FHOD3: variants seen among roughly 807,000 people sequenced by gnomAD.
FHOD3 encodes formin homology 2 domain containing 3, also known as FH1/FH2 domain-containing protein 3.
In FHOD3, 90 loss-of-function variants were observed where a neutral mutation model predicts 173.0. The observed-to-expected ratio is 0.52, with a 90% CI of 0.44 to 0.62. FHOD3 has a LOEUF of 0.62. Ranked by LOEUF, FHOD3 falls within the 20% of genes least tolerant of loss-of-function variation. The pLI, the probability that FHOD3 is intolerant of heterozygous loss-of-function variation, is 0.00. For missense variants in FHOD3, 1,945 were observed against 2,034.7 expected (o/e 0.96, Z 0.85); for synonymous variants, 828 against 823.0 (o/e 1.01, Z -0.10).
chr18:36,704,784 T>C (rs1288817352), intron 17 of FHOD3, among the ~76,000 whole-genome samples: 1 of 152,082 alleles, frequency 6.6e-6, no homozygotes, highest in Non-Finnish European at 1.5e-5. Context: ...TCAGTAACCA[T>C]TCCTCAAAGG....
intron 19 of FHOD3, among the ~76,000 whole-genome samples, chr18:36,721,653 G>A (rs1001829801): frequency 2.6e-5 from 4 of 151,884 alleles, no homozygotes; most frequent in African/African-American, 9.7e-5. Flanking sequence ...TCTCAAAAAA[G>A]CAAAAAAACA....
chr18:36,677,073 C>A (rs2149364526), intron 14 of FHOD3, among the ~76,000 whole-genome samples: 1 of 152,022 alleles, frequency 6.6e-6, no homozygotes, highest in South Asian at 2.1e-4. Flanking sequence ...ATCTTGAGAT[C>A]TCAATGTTGT....
chr18:36,351,354 C>T (rs958225287), intron 1 of FHOD3, among the ~76,000 whole-genome samples: 10 of 152,142 alleles, frequency 6.6e-5, no homozygotes, highest in African/African-American at 2.4e-4. Flanking sequence ...AGCCTCTATC[C>T]TGGAGGGGGG....
intron 14 of FHOD3, among the ~76,000 whole-genome samples, chr18:36,665,974 GA>G (rs1313918447): frequency 6.6e-6 from 1 of 152,234 alleles, no homozygotes; most frequent in Non-Finnish European, 1.5e-5. Context: ...TGGAAATTAA[GA>G]GGGAATGAGA....
chr18:36,693,683 C>A (rs553401439), intron 17 of FHOD3, among the ~76,000 whole-genome samples: 1 of 152,278 alleles, frequency 6.6e-6, no homozygotes, highest in Non-Finnish European at 1.5e-5. Flanking sequence ...GGAAAATAAG[C>A]TTTACTTTAA....
chr18:36,503,370 C>T (rs544668143), intron 4 of FHOD3, among the ~76,000 whole-genome samples: 99 of 152,254 alleles, frequency 6.5e-4, no homozygotes, highest in Non-Finnish European at 1.1e-3. Context: ...TCTTTGTCAG[C>T]GATAGTTGTC....
At chr18:36,358,814 G>A (rs527371955) in intron 2 of FHOD3, among the ~76,000 whole-genome samples, 2 of 151,946 alleles carry the variant, frequency 1.3e-5, no homozygotes, top group South Asian at 4.2e-4. Flanking sequence ...GTATTTTTTT[G>A]TAGAGACGGG....
At chr18:36,736,950 G>A (rs766937729) in intron 20 of FHOD3, among the ~76,000 whole-genome samples, 5 of 152,268 alleles carry the variant, frequency 3.3e-5, no homozygotes, top group African/African-American at 9.6e-5. Context: ...TTATGATCGT[G>A]CAATTATCAA....
intron 2 of FHOD3, among the ~76,000 whole-genome samples, chr18:36,357,136 C>T (rs2046398285): frequency 6.6e-6 from 1 of 152,158 alleles, no homozygotes; most frequent in South Asian, 2.1e-4. Flanking sequence ...TCTCATTTTT[C>T]ATGAATAGCT....
At chr18:36,315,464 C>T (rs1305022541) in intron 1 of FHOD3, among the ~76,000 whole-genome samples, 3 of 152,070 alleles carry the variant, frequency 2.0e-5, no homozygotes, top group African/African-American at 7.2e-5. Context: ...TCTCTTATTC[C>T]ACCCAGTGTA....
At chr18:36,692,240 G>A (rs112160168) in intron 16 of FHOD3, among the ~76,000 whole-genome samples, 3 of 152,340 alleles carry the variant, frequency 2.0e-5, no homozygotes, top group African/African-American at 7.2e-5. Flanking sequence ...TCTTATCTGG[G>A]TAAATGAGGA....
At chr18:36,447,570 G>GA (rs1568283480) in intron 3 of FHOD3, among the ~76,000 whole-genome samples, 3 of 152,198 alleles carry the variant, frequency 2.0e-5, no homozygotes, top group Non-Finnish European at 4.4e-5. Context: ...TGTGGACCAT[G>GA]GGTTTCTCTT....
chr18:36,478,733 A>G (rs1336029534), intron 3 of FHOD3, among the ~76,000 whole-genome samples: 1 of 152,196 alleles, frequency 6.6e-6, no homozygotes, highest in African/African-American at 2.4e-5. Flanking sequence ...GCTTTCGGTT[A>G]CATTTATCTT....
chr18:36,502,782 C>G (rs1001188079), intron 4 of FHOD3, among the ~76,000 whole-genome samples: 13 of 152,130 alleles, frequency 8.5e-5, no homozygotes, highest in Non-Finnish European at 1.5e-5. Flanking sequence ...TCTTTCCACC[C>G]TACCCCCACA....
intron 3 of FHOD3, among the ~76,000 whole-genome samples, chr18:36,401,958 C>T (rs2048831441): frequency 6.6e-6 from 1 of 152,128 alleles, no homozygotes; most frequent in Admixed American, 6.5e-5. Context: ...TGTAATGAAC[C>T]CTTGTATACA....
At chr18:36,379,084 T>A (rs9967116) in intron 3 of FHOD3, among the ~76,000 whole-genome samples, 68,261 of 152,084 alleles carry the variant, frequency 0.45, 16,386 homozygotes, top group East Asian at 0.75. Flanking sequence ...TTTCTCACCA[T>A]AATGGAAAGA....
chr18:36,501,438 A>G (rs1311902173), intron 3 of FHOD3, among the ~76,000 whole-genome samples: 2 of 152,188 alleles, frequency 1.3e-5, no homozygotes, highest in African/African-American at 4.8e-5. Context: ...GGAGATGCAG[A>G]AAGCATGGGG....
At chr18:36,394,682 G>A (rs2048466138) in intron 3 of FHOD3, among the ~76,000 whole-genome samples, 1 of 152,180 alleles carries the variant, frequency 6.6e-6, no homozygotes, top group Admixed American at 6.5e-5. Context: ...AGAGCAAGAT[G>A]TTTCAGTTCA....
At chr18:36,304,249 A>G (rs1043405634) in intron 1 of FHOD3, among the ~76,000 whole-genome samples, 1 of 152,216 alleles carries the variant, frequency 6.6e-6, no homozygotes, top group African/African-American at 2.4e-5. Context: ...TGGCTTTCAG[A>G]GATACATACT....
Sources: allele counts gnomAD v4.1 joint callset (sites outside exome capture counted in the v4.1 genomes callset), GRCh38; gene constraint gnomAD v4.1.1; transcripts MANE v1.5; gene names NCBI Gene and HGNC (gene_info 2026-07-23, HGNC 2026-07-21).